The following METTL15 variants were observed in gnomAD, a reference collection of about 807,000 sequenced individuals.
METTL15 encodes methyltransferase 15, mitochondrial 12S rRNA N4-cytidine.
A neutral mutation model predicts 38.3 loss-of-function variants in METTL15; 34 were observed. The observed-to-expected ratio is 0.89, with a 90% confidence interval of 0.68 to 1.18. METTL15 has a LOEUF of 1.18. METTL15 is among the 50% of genes most tolerant of loss of function. The pLI, the probability that METTL15 is intolerant of heterozygous loss-of-function variation, is 0.00. For missense variants in METTL15, 438 were observed against 498.4 expected (o/e 0.88, Z 1.15); for synonymous variants, 162 against 170.9 (o/e 0.95, Z 0.41).
chr11:28,390,468 C>A (rs919990500), intron 5 of METTL15, among the ~76,000 whole-genome samples: 1 of 152,114 alleles, frequency 6.6e-6, no homozygotes, highest in Admixed American at 6.6e-5. Flanking sequence ...TTTCGCAGCA[C>A]CATTTATTAA....
intron 6 of METTL15, among the ~76,000 whole-genome samples, chr11:28,326,785 T>C (rs572866715): frequency 8.0e-4 from 121 of 151,926 alleles, no homozygotes; most frequent in Non-Finnish European, 1.6e-3. Flanking sequence ...TTTTGTTTTT[T>C]GGTTTTTGTT....
At chr11:28,203,554 A>C (rs1410448993) in intron 3 of METTL15, among the ~76,000 whole-genome samples, 1 of 152,064 alleles carries the variant, frequency 6.6e-6, no homozygotes, top group African/African-American at 2.4e-5. Flanking sequence ...GGAAGTTTAC[A>C]ACATGATGTG....
At chr11:28,460,355 G>A (rs867547398) in intron 6 of METTL15, among the ~76,000 whole-genome samples, 22 of 152,038 alleles carry the variant, frequency 1.4e-4, no homozygotes, top group South Asian at 2.1e-4. Flanking sequence ...CATTGTTACA[G>A]CTTGACAGGA....
At chr11:28,508,297 G>A (rs1851646471) in intron 6 of METTL15, among the ~76,000 whole-genome samples, 1 of 152,050 alleles carries the variant, frequency 6.6e-6, no homozygotes. Flanking sequence ...GAGACAGGAT[G>A]TTGTCAATTT....
At chr11:28,131,501 ATT>A (rs370387962) in intron 3 of METTL15, among the ~76,000 whole-genome samples, 226 of 117,508 alleles carry the variant, frequency 1.9e-3, no homozygotes, top group African/African-American at 5.5e-3. Flanking sequence ...ACTTCCAAGC[ATT>A]TTTTTTTTTT....
At chr11:28,520,187 AGT>A (rs538191661) in intron 6 of METTL15, among the ~76,000 whole-genome samples, 229 of 152,162 alleles carry the variant, frequency 1.5e-3, no homozygotes, top group African/African-American at 5.3e-3. Context: ...AAATAGGAAA[AGT>A]GAGCCTGGAG....
At chr11:28,361,302 C>T (rs2133368106) in intron 4 of METTL15, among the ~76,000 whole-genome samples, 2 of 151,478 alleles carry the variant, frequency 1.3e-5, no homozygotes, top group Middle Eastern at 6.8e-3. Context: ...CCTATTTCTC[C>T]ACATCCTCTC....
intron 6 of METTL15, among the ~76,000 whole-genome samples, chr11:28,463,052 G>A (rs1426483661): frequency 6.6e-6 from 1 of 152,098 alleles, no homozygotes; most frequent in Non-Finnish European, 1.5e-5. Flanking sequence ...CTGTAACTGA[G>A]ACAGGTGTTA....
At chr11:28,178,894 ACAT>A (rs1270471720) in intron 3 of METTL15, among the ~76,000 whole-genome samples, 5 of 151,754 alleles carry the variant, frequency 3.3e-5, no homozygotes, top group African/African-American at 1.2e-4. Context: ...GATTTTTTTG[ACAT>A]CATCAAGAAA....
chr11:28,200,058 A>G (rs964074443), intron 3 of METTL15, among the ~76,000 whole-genome samples: 2 of 152,134 alleles, frequency 1.3e-5, no homozygotes, highest in African/African-American at 2.4e-5. Flanking sequence ...TAGTAATTGC[A>G]TAGTAAATTG....
chr11:28,485,749 A>G (rs1277810561), intron 6 of METTL15, among the ~76,000 whole-genome samples: 3 of 152,186 alleles, frequency 2.0e-5, no homozygotes, highest in Non-Finnish European at 4.4e-5. Context: ...CAAAATACGT[A>G]CTGGGTGGCT....
At chr11:28,146,444 T>A (rs139381614) in intron 3 of METTL15, among the ~76,000 whole-genome samples, 17 of 152,134 alleles carry the variant, frequency 1.1e-4, no homozygotes, top group Non-Finnish European at 2.4e-4. Context: ...CCTACCAAAG[T>A]ATTTTGTCTT....
intron 3 of METTL15, chr11:28,134,687 G>C (rs900790923): frequency 1.0e-5 from 4 of 397,894 alleles, no homozygotes; most frequent in Non-Finnish European, 1.8e-5. Flanking sequence ...GTCCATGCAT[G>C]GTTTCATTTG....
chr11:28,391,815 C>G (rs1011380482), intron 5 of METTL15, among the ~76,000 whole-genome samples: 17 of 152,218 alleles, frequency 1.1e-4, no homozygotes, highest in African/African-American at 3.6e-4. Context: ...AAAATTAATT[C>G]AAGATGGGTT....
intron 6 of METTL15, among the ~76,000 whole-genome samples, chr11:28,450,194 C>T (rs773142397): frequency 2.1e-4 from 32 of 152,276 alleles, no homozygotes; most frequent in Non-Finnish European, 3.7e-4. Flanking sequence ...TGGACTAAGC[C>T]GACGGAGGTC....
intron 3 of METTL15, among the ~76,000 whole-genome samples, chr11:28,117,120 A>G (rs1192597560): frequency 6.6e-6 from 1 of 152,016 alleles, no homozygotes; most frequent in Non-Finnish European, 1.5e-5. Context: ...TCCATAATGC[A>G]GGGGTAACAA....
intron 6 of METTL15, among the ~76,000 whole-genome samples, chr11:28,438,144 A>G (rs956700896): frequency 6.6e-5 from 10 of 152,248 alleles, no homozygotes; most frequent in African/African-American, 2.4e-4. Flanking sequence ...ATTGATGTTA[A>G]TGGTAATTCC....
At chr11:28,467,774 GTAAA>G (rs1033795964) in intron 6 of METTL15, among the ~76,000 whole-genome samples, 7 of 152,214 alleles carry the variant, frequency 4.6e-5, no homozygotes, top group African/African-American at 1.7e-4. Flanking sequence ...CAATAAACAA[GTAAA>G]TAAATTAACT....
At chr11:28,460,723 T>G (rs1851207022) in intron 6 of METTL15, among the ~76,000 whole-genome samples, 1 of 151,842 alleles carries the variant, frequency 6.6e-6, no homozygotes, top group Non-Finnish European at 1.5e-5. Context: ...TACAACACTG[T>G]GGGGGCTCAG....
Sources: gnomAD v4.1 joint callset for allele counts (sites outside exome capture counted in the v4.1 genomes callset) on GRCh38, gnomAD v4.1.1 for gene constraint, MANE v1.5 for transcripts, NCBI Gene and HGNC (gene_info 2026-07-23, HGNC 2026-07-21) for gene names.